Variants in MEAK7 observed in about 807,000 individuals in gnomAD.
MEAK7 encodes the protein MTOR-associated protein MEAK7.
Under a neutral mutation model 40.5 loss-of-function variants are expected in MEAK7, and 68 were observed. That is an observed-to-expected ratio of 1.68 (90% confidence interval 1.38 to 2.06). The LOEUF is 2.06. MEAK7 is among the 30% of genes most tolerant of loss of function. MEAK7 has a pLI of 0.00. For missense variants in MEAK7, 918 were observed against 580.5 expected (o/e 1.58, Z -5.98); for synonymous variants, 338 against 231.9 (o/e 1.46, Z -4.16).
chr16:84,481,542 C>A (rs1039961729), intron 6 of MEAK7, among the ~76,000 whole-genome samples: 11 of 152,200 alleles, frequency 7.2e-5, no homozygotes, highest in African/African-American at 2.7e-4. Flanking sequence ...CTCTCCAGGG[C>A]AGCAGTGTGG....
At chr16:84,486,407 C>T (rs1303449659) in intron 5 of MEAK7, 13 of 1,339,818 alleles carry the variant, frequency 9.7e-6, no homozygotes, top group East Asian at 5.9e-5. Flanking sequence ...TAACTGGGCC[C>T]GTGTCCTCGC....
In MEAK7 at chr16:84,486,953, C is replaced by G. The variant is rs1913135763; in HGVS notation, c.636G>C (p.Val212=). 5 of 1,614,122 alleles carry G rather than the reference C, an allele frequency of 3.1e-6. No individual in the cohort carries two copies. The Middle Eastern group carries it at 8.3e-4, about 266-fold the overall frequency. Reference sequence around the variant, plus strand: ...GGATGAGAAAGCCCTTGCAAATGACCACACTCAGGAATATGGCCACATGGG... The same window carrying G: ...GGATGAGAAAGCCCTTGCAAATGACGACACTCAGGAATATGGCCACATGGG... ...RVPHVAIFLS[V]VICKGFLILC... is the part of the protein sequence containing the mutation. Residue 212 remains valine, a synonymous_variant, in exon 5 of 8, where the codon GTG becomes GTC. Transcript: ENST00000343629.
At chr16:84,492,965 G>A (rs912822594) in intron 3 of MEAK7, among the ~76,000 whole-genome samples, 12 of 152,180 alleles carry the variant, frequency 7.9e-5, no homozygotes, top group African/African-American at 2.9e-4. Flanking sequence ...CTCAATTATT[G>A]TTTTGATATT....
Position 84,482,721 on chromosome 16 carries a change from C to T in MEAK7, c.959-11G>A. ...AGCATCTGTTGTCCCCTGAAAGTAG[C>T]CAGAGAACAAAACAAACAGGGTCGG... On this transcript the variant is annotated splice_polypyrimidine_tract_variant and intron_variant, in intron 5 of 7. Transcript: ENST00000343629. The T allele has an allele frequency of 6.2e-7, 1 of 1,613,756 alleles. No individual in the cohort carries two copies. Among genetic ancestry groups the T allele is most frequent in the Non-Finnish European group, 8.5e-7 (1 of 1,179,846 alleles).
intron 2 of MEAK7, chr16:84,497,561 GCTAT>G (rs1478892173): frequency 3.3e-5 from 43 of 1,296,840 alleles, no homozygotes; most frequent in Middle Eastern, 4.2e-4. Context: ...CACGAGGCAG[GCTAT>G]CTCTCTCCTC....
intron 5 of MEAK7, chr16:84,486,394 T>G: frequency 7.8e-7 from 1 of 1,290,164 alleles, no homozygotes; most frequent in Non-Finnish European, 9.9e-7. Flanking sequence ...CGGCACCGTG[T>G]AATAACTGGG....
intron 1 of MEAK7, among the ~76,000 whole-genome samples, chr16:84,500,591 G>A (rs56756168): frequency 0.032 from 4,890 of 152,278 alleles, 280 homozygotes; most frequent in East Asian, 0.25. Flanking sequence ...TACACAGACA[G>A]GCTGGAAACG....
At chr16:84,484,676 CTTCA>C (rs1218271335) in intron 5 of MEAK7, among the ~76,000 whole-genome samples, 1 of 152,196 alleles carries the variant, frequency 6.6e-6, no homozygotes, top group Non-Finnish European at 1.5e-5. Flanking sequence ...CAGCATTTGC[CTTCA>C]TTGTTTGTCC....
intron 5 of MEAK7, among the ~76,000 whole-genome samples, chr16:84,483,892 G>T (rs745645089): frequency 6.6e-5 from 10 of 152,182 alleles, no homozygotes; most frequent in African/African-American, 2.2e-4. Context: ...GGATAGTTAG[G>T]CTAGAAAGTT....
rs552249840 is a variant in MEAK7, at chr16:84,482,281, G to A, written c.1077+311C>T. Among the ~76,000 whole-genome samples, 12 of 152,318 alleles carry A rather than the reference G, an allele frequency of 7.9e-5. No homozygotes were observed. The South Asian group carries it at 2.1e-3, about 26-fold the overall frequency. On this transcript the variant is annotated intron_variant, in intron 6 of 7. Transcript: ENST00000343629. The stretch of plus-strand genomic sequence containing the variant: ...AGCGACGCGCAGGGACAGGTCTGGC[G>A]CTGACACCATCCCTAGCCACAAAGG...
At chr16:84,489,188 TC>T in intron 4 of MEAK7, 89 bp downstream of exon 4, 1 of 1,461,138 alleles carries the variant, frequency 6.8e-7, no homozygotes, top group Non-Finnish European at 9.1e-7. Context: ...CATTCTGGTT[TC>T]AAAGCTTTAC....
intron 2 of MEAK7, 45 bp downstream of exon 2, chr16:84,497,889 A>G: frequency 6.2e-7 from 1 of 1,610,686 alleles, no homozygotes; most frequent in South Asian, 1.1e-5. Context: ...CAGTTTGCAG[A>G]CCCCTGCTCC....
rs535996487 is a variant in MEAK7, at chr16:84,483,137, G to A, written c.959-427C>T. Among the ~76,000 whole-genome samples, 8 of 152,332 alleles carry A rather than the reference G, an allele frequency of 5.3e-5. No homozygotes were observed. In the South Asian group the frequency reaches 6.2e-4, roughly 12 times the overall value. ...AGTGACGCTGCGTAGTGCTGACCCC[G>A]GCCTGAAAGAACGTACCATGCAGAG... On this transcript the variant is annotated intron_variant, in intron 5 of 7. Transcript: ENST00000343629.
rs772302162 is a variant in MEAK7 at position 84,486,714 on chromosome 16, C to T, written c.875G>A (p.Cys292Tyr). 1.9e-6 allele frequency: 3 copies of T among 1,614,052 alleles called. No individual in the cohort carries two copies. Among genetic ancestry groups the T allele is most frequent in the South Asian group, 1.1e-5 (1 of 91,084 alleles). Residue 292 changes from cysteine (C) to tyrosine (Y), a missense_variant, in exon 5 of 8, where the codon TGT (cysteine) becomes TAT (tyrosine). By Grantham distance (194) the Cys-to-Tyr change is radical. Coordinates refer to ENST00000343629, the MANE Select transcript of MEAK7 (RefSeq NM_020947.4). ...LCGHITHRGPCVAVLEDHDKH... is the reference protein window; with the variant it reads ...LCGHITHRGPYVAVLEDHDKH... The stretch of plus-strand genomic sequence containing the variant: ...GTCATGGTCCTCGAGGACAGCCACA[C>T]AGGGTCCCCGGTGAGTGATGTGGCC...
intron 5 of MEAK7, among the ~76,000 whole-genome samples, chr16:84,484,441 T>C (rs1051173455): frequency 1.3e-5 from 2 of 152,194 alleles, no homozygotes; most frequent in Admixed American, 1.3e-4. Context: ...ATCAATCACC[T>C]TGCCCAGGGC....
At chr16:84,497,485 A>C (rs1914145701) in intron 2 of MEAK7, 1 of 1,290,084 alleles carries the variant, frequency 7.8e-7, no homozygotes, top group South Asian at 1.2e-5. Flanking sequence ...AGGAGGGCAG[A>C]CCCATCACCG....
rs112521260 is a variant in MEAK7, at chr16:84,483,422, G to C, written c.959-712C>G. ...ACTTCCCACCATGTTCTGAGGACTT[G>C]GCCGGAAGGGCTGCCCGCCTCGACA... On this transcript the variant is annotated intron_variant, in intron 5 of 7. Coordinates refer to ENST00000343629, the MANE Select transcript of MEAK7 (RefSeq NM_020947.4). 8.7e-3 allele frequency among the ~76,000 whole-genome samples: 1,326 copies of C among 152,358 alleles called. 22 individuals carry two copies. The highest frequency in any genetic ancestry group is 0.03 in the African/African-American group (1,249 of 41,582).
At chr16:84,488,948 G>A (rs1012213312) in intron 4 of MEAK7, among the ~76,000 whole-genome samples, 1 of 152,004 alleles carries the variant, frequency 6.6e-6, no homozygotes, top group Non-Finnish European at 1.5e-5. Context: ...AAAATAAATA[G>A]AAACTAGAAA....
intron 4 of MEAK7, chr16:84,488,189 T>C (rs1369783199): frequency 6.6e-6 from 1 of 152,222 alleles, no homozygotes; most frequent in African/African-American, 2.4e-5. Flanking sequence ...AACTTTAATT[T>C]TTATTTTCAT....
Sources: gnomAD v4.1 joint callset for allele counts (sites outside exome capture counted in the v4.1 genomes callset) on GRCh38, gnomAD v4.1.1 for gene constraint, MANE v1.5 for transcripts, NCBI Gene and HGNC (gene_info 2026-07-23, HGNC 2026-07-21) for gene names.